Variants in ATP8B1 observed in about 807,000 individuals in gnomAD.
The protein encoded by ATP8B1 is phospholipid-transporting ATPase IC.
Under a neutral mutation model 149.9 loss-of-function variants are expected in ATP8B1, and 80 were observed. The ratio of observed to expected loss-of-function variants is 0.53; its 90% CI spans 0.45 to 0.64. ATP8B1 has a LOEUF of 0.64. Among genes scored for constraint, ATP8B1 ranks in the 30% least tolerant of loss-of-function variants. The pLI, the probability that ATP8B1 is intolerant of heterozygous loss-of-function variation, is 0.00. For synonymous variants in ATP8B1, 536 were observed against 562.8 expected (o/e 0.95, Z 0.67); for missense variants, 1,247 against 1,552.6 (o/e 0.80, Z 3.31).
chr18:57,688,005 A>G (rs112816705), intron 13 of ATP8B1, among the ~76,000 whole-genome samples: 2,938 of 152,208 alleles, frequency 0.019, 93 homozygotes, highest in African/African-American at 0.066. Context: ...CTGGTCTCAA[A>G]TCCCTGACCT....
In ATP8B1 at chr18:57,773,199, CT is replaced by C. The variant is rs200858862; in HGVS notation, c.-26+29798del. Among the ~76,000 whole-genome samples, 34 of 23,078 alleles carry C rather than the reference CT, an allele frequency of 1.5e-3. 1 individual carries two copies. Among genetic ancestry groups the C allele is most frequent in the East Asian group, 1.7e-3 (1 of 602 alleles). 15.1% of individuals were successfully genotyped at this position (23,078 alleles called of 152,430 possible). ...CCTGGGTGACAGAGCGAGACTCTGTCTTAAAAAAAAAAAAAAAAAGAAAAGA... is the reference window on the plus strand; with the variant it reads ...CCTGGGTGACAGAGCGAGACTCTGTCTAAAAAAAAAAAAAAAAAGAAAAGA... On this transcript the variant is annotated intron_variant, in intron 1 of 27. Coordinates refer to ENST00000648908, the MANE Select transcript of ATP8B1 (RefSeq NM_001374385.1).
intron 15 of ATP8B1, 53 bp from the exon 16 acceptor site, chr18:57,675,075 C>T (rs1911513320): frequency 1.3e-6 from 2 of 1,584,350 alleles, no homozygotes; most frequent in African/African-American, 2.7e-5. Context: ...AAATGCAGAG[C>T]TCATTGTTGA....
At chr18:57,670,524 G>C (rs1911162284) in intron 17 of ATP8B1, among the ~76,000 whole-genome samples, 1 of 151,032 alleles carries the variant, frequency 6.6e-6, no homozygotes, top group Non-Finnish European at 1.5e-5. Context: ...GCTAATCTTT[G>C]TATTTTTGGT....
chr18:57,772,724 G>T (rs539162744), intron 1 of ATP8B1, among the ~76,000 whole-genome samples: 3 of 152,256 alleles, frequency 2.0e-5, no homozygotes, highest in African/African-American at 7.2e-5. Flanking sequence ...GCAGACCCTA[G>T]GAATTCGGCG....
intron 12 of ATP8B1, among the ~76,000 whole-genome samples, chr18:57,690,211 CT>C (rs1166216373): frequency 2.0e-5 from 3 of 152,148 alleles, no homozygotes; most frequent in African/African-American, 4.8e-5. Flanking sequence ...AGGAATGCCC[CT>C]GGCAGAGAAA....
Position 57,655,285 on chromosome 18 carries a change from A to G in ATP8B1, c.2840T>C (p.Met947Thr), listed in dbSNP as rs1909918189. The change falls in exon 23 of 28, where the codon ATG becomes ACG. Residue 947 changes from methionine (M) to threonine (T), a missense_variant. By Grantham distance (81) the Met-to-Thr change is moderately conservative. Around this residue, in one of 3 missense-constraint regions of ATP8B1, gnomAD observed 230 missense variants for 356.6 expected, o/e 0.65. Coordinates refer to ENST00000648908, the MANE Select transcript of ATP8B1 (RefSeq NM_001374385.1). ...AAAGAAGTATCGTAGGAACTTGCACATCCTTATGTAAGACCATCGGCCATG... is the reference window on the plus strand; with the variant it reads ...AAAGAAGTATCGTAGGAACTTGCACGTCCTTATGTAAGACCATCGGCCATG... ...LVHGRWSYIR[M>T]CKFLRYFFYK... The G allele has an allele frequency of 6.2e-7, 1 of 1,614,104 alleles. No individual in the cohort carries two copies. Among genetic ancestry groups the G allele is most frequent in the Non-Finnish European group, 8.5e-7 (1 of 1,180,030 alleles).
chr18:57,760,619 G>T (rs2080139944), intron 1 of ATP8B1, among the ~76,000 whole-genome samples: 1 of 152,220 alleles, frequency 6.6e-6, no homozygotes, highest in African/African-American at 2.4e-5. Flanking sequence ...TGAAGCTTCT[G>T]ACAAGGAAAT....
At chr18:57,779,515 C>A (rs1438699915) in intron 1 of ATP8B1, among the ~76,000 whole-genome samples, 2 of 152,086 alleles carry the variant, frequency 1.3e-5, no homozygotes, top group Non-Finnish European at 2.9e-5. Context: ...TCAGGTATAG[C>A]CTAATGTTCA....
In ATP8B1 at chr18:57,783,845, T is replaced by A. The variant is rs185487009; in HGVS notation, c.-26+19153A>T. 7.7e-3 allele frequency among the ~76,000 whole-genome samples: 1,166 copies of A among 151,412 alleles called. 14 individuals carry two copies. The highest frequency in any genetic ancestry group is 0.027 in the African/African-American group (1,121 of 41,214). Reference sequence around the variant, plus strand: ...GTGAGACCCCGTCTTAAAAAAAAAATAAAAATAATAAAGGAAATTAAGCAT... The same window carrying A: ...GTGAGACCCCGTCTTAAAAAAAAAAAAAAAATAATAAAGGAAATTAAGCAT... On this transcript the variant is annotated intron_variant, in intron 1 of 27. Transcript: ENST00000648908.
chr18:57,649,190 A>ATATCTGTCTATCTATCTATC (rs1909428797), intron 27 of ATP8B1, among the ~76,000 whole-genome samples: 1 of 148,096 alleles, frequency 6.8e-6, no homozygotes, highest in East Asian at 2.0e-4. Flanking sequence ...GTGCTTGGCT[A>ATATCTGTCTATCTATCTATC]TATCTATCTA....
At chr18:57,795,125 A>G (rs9956870) in intron 1 of ATP8B1, among the ~76,000 whole-genome samples, 53,762 of 152,066 alleles carry the variant, frequency 0.35, 11,754 homozygotes, top group African/African-American at 0.62. Flanking sequence ...TGGGCCAGGC[A>G]TGGTGACTCA....
chr18:57,668,558 A>AAAAAG lies in ATP8B1; in HGVS notation c.2098-19_2098-18insCTTTT. 1 of 1,444,464 alleles carries AAAAAG rather than the reference A, an allele frequency of 6.9e-7. No homozygotes were observed. The allele number at this position is 1,444,464 out of a possible 1,614,324, so 89.5% of individuals were successfully genotyped here. A position where few individuals can be genotyped will look rare whatever the true frequency, so the allele number is the denominator to read the frequency against. On this transcript the variant is annotated intron_variant, in intron 18 of 27. Transcript: ENST00000648908. The stretch of plus-strand genomic sequence containing the variant: ...CCCAGGAGCTAGAATGTATATTAAA[A>AAAAAG]AAAAAAAAAAAAGGAATTAGCAAAC...
intron 1 of ATP8B1, among the ~76,000 whole-genome samples, chr18:57,736,457 T>G (rs1354141607): frequency 2.1e-5 from 2 of 95,940 alleles, no homozygotes; most frequent in African/African-American, 7.4e-5. Context: ...TTACTAGTTT[T>G]TTTTTTTTTT....
At chr18:57,793,525 C>G (rs2080483215) in intron 1 of ATP8B1, among the ~76,000 whole-genome samples, 1 of 152,102 alleles carries the variant, frequency 6.6e-6, no homozygotes, top group African/African-American at 2.4e-5. Flanking sequence ...TCCAAGAAAT[C>G]AAAGCCAAAG....
chr18:57,674,386 C>CTT (rs36078409), intron 16 of ATP8B1, among the ~76,000 whole-genome samples: 8,379 of 128,236 alleles, frequency 0.065, 730 homozygotes, highest in East Asian at 0.2. Context: ...ATACCAGTTT[C>CTT]TTTTTTTTTT....
chr18:57,694,749 GC>G, intron 10 of ATP8B1, 79 bp from the exon 11 acceptor site: 1 of 1,011,468 alleles, frequency 9.9e-7, no homozygotes, highest in Non-Finnish European at 1.5e-6. Flanking sequence ...ACTCTTCTTG[GC>G]CAGGCATGGT....
chr18:57,728,783 G>A (rs1348240002), intron 2 of ATP8B1, among the ~76,000 whole-genome samples: 1 of 151,122 alleles, frequency 6.6e-6, no homozygotes, highest in Admixed American at 6.6e-5. Context: ...GTAGTGGTGG[G>A]ATCTTGGTTC....
chr18:57,709,920 T>G (rs1465284131), intron 2 of ATP8B1, among the ~76,000 whole-genome samples: 2 of 152,078 alleles, frequency 1.3e-5, no homozygotes, highest in African/African-American at 2.4e-5. Context: ...CCTCAGGTGG[T>G]CCACCTGCCT....
At chr18:57,776,587 C>G (rs1438560479) in intron 1 of ATP8B1, among the ~76,000 whole-genome samples, 1 of 151,892 alleles carries the variant, frequency 6.6e-6, no homozygotes, top group Non-Finnish European at 1.5e-5. Flanking sequence ...AATAAAACAG[C>G]AAGCCCTTTT....
Sources: gnomAD v4.1 joint callset for allele counts (sites outside exome capture counted in the v4.1 genomes callset) on GRCh38, gnomAD v4.1.1 for gene constraint, gnomAD v4.1.1 regional missense constraint, MANE v1.5 for transcripts, NCBI Gene and HGNC (gene_info 2026-07-23, HGNC 2026-07-21) for gene names.